The following TRAPPC9 variants were observed in gnomAD, a reference collection of about 807,000 sequenced individuals.
TRAPPC9 encodes trafficking protein particle complex subunit 9, also known as IKK2 binding protein.
In TRAPPC9, 83 loss-of-function variants were observed where a neutral mutation model predicts 124.0. That is an observed-to-expected ratio of 0.67 (90% confidence interval 0.56 to 0.80). TRAPPC9 has a LOEUF of 0.80. Ranked by LOEUF, TRAPPC9 falls within the 30% of genes least tolerant of loss-of-function variation. TRAPPC9 has a pLI of 0.00. For synonymous variants in TRAPPC9, 638 were observed against 617.5 expected (o/e 1.03, Z -0.49); for missense variants, 1,302 against 1,508.3 (o/e 0.86, Z 2.27).
At chr8:140,277,916 T>C (rs2065175781) in intron 14 of TRAPPC9, among the ~76,000 whole-genome samples, 2 of 152,166 alleles carry the variant, frequency 1.3e-5, no homozygotes, top group South Asian at 2.1e-4. Flanking sequence ...TTTAAGGAGA[T>C]GGCCCCTCAT....
In TRAPPC9 at chr8:139,862,835, T is replaced by G. The variant is rs550145510; in HGVS notation, c.3055+23044A>C. Among the ~76,000 whole-genome samples, 4 of 152,314 alleles carry G rather than the reference T, an allele frequency of 2.6e-5. No homozygotes were observed. In the East Asian group the frequency reaches 7.7e-4, roughly 29 times the overall value. On this transcript the variant is annotated intron_variant, in intron 21 of 22. Coordinates refer to ENST00000438773, the MANE Select transcript of TRAPPC9 (RefSeq NM_001160372.4). ...GCCCCACATGCACCAGGGCACTGCA[T>G]TCCCCCTGGGTGCCGTGTCCTTCCC...
At chr8:140,295,846 G>T (rs539870642) in intron 11 of TRAPPC9, among the ~76,000 whole-genome samples, 128 of 152,188 alleles carry the variant, frequency 8.4e-4, no homozygotes, top group Non-Finnish European at 1.0e-3. Flanking sequence ...CTGCCAAAAA[G>T]ATATTAGAAG....
chr8:140,073,531 G>A (rs2129861347), intron 17 of TRAPPC9, among the ~76,000 whole-genome samples: 1 of 152,330 alleles, frequency 6.6e-6, no homozygotes, highest in South Asian at 2.1e-4. Context: ...GACACCTCTA[G>A]TTAGCGTATG....
At chr8:140,344,190 T>C (rs2067271930) in intron 9 of TRAPPC9, among the ~76,000 whole-genome samples, 1 of 152,186 alleles carries the variant, frequency 6.6e-6, no homozygotes, top group South Asian at 2.1e-4. Context: ...AGCATGTCTC[T>C]GAGCCAGGAA....
intron 17 of TRAPPC9, among the ~76,000 whole-genome samples, chr8:140,186,303 G>A (rs2062353071): frequency 6.6e-6 from 1 of 152,116 alleles, no homozygotes; most frequent in African/African-American, 2.4e-5. Context: ...AAGTTATTAG[G>A]CTGGGCATGG....
chr8:140,040,424 T>TCACTCAGTCGCCC (rs1485677011), intron 17 of TRAPPC9: 4 of 152,334 alleles, frequency 2.6e-5, no homozygotes, highest in Non-Finnish European at 4.4e-5. Flanking sequence ...AGACGGAGTC[T>TCACTCAGTCGCCC]CACTCAGTCG....
chr8:140,036,944 C>G (rs1840935155), intron 17 of TRAPPC9, among the ~76,000 whole-genome samples: 1 of 151,750 alleles, frequency 6.6e-6, no homozygotes, highest in South Asian at 2.1e-4. Context: ...TTTGCTGCAC[C>G]CATTAACCTG....
At chr8:140,135,762 T>G (rs2061293746) in intron 17 of TRAPPC9, among the ~76,000 whole-genome samples, 1 of 152,210 alleles carries the variant, frequency 6.6e-6, no homozygotes, top group South Asian at 2.1e-4. Context: ...CTTGCACATG[T>G]GAAAATGGTT....
intron 21 of TRAPPC9, among the ~76,000 whole-genome samples, chr8:139,853,723 G>T (rs972456889): frequency 2.0e-5 from 3 of 152,174 alleles, no homozygotes; most frequent in Non-Finnish European, 2.9e-5. Context: ...GGGCAGGCTG[G>T]GGGCAGTGGA....
intron 16 of TRAPPC9, among the ~76,000 whole-genome samples, chr8:140,242,127 A>C (rs1001854123): frequency 7.4e-6 from 1 of 135,154 alleles, no homozygotes; most frequent in Non-Finnish European, 1.5e-5. Context: ...AGCAACACGA[A>C]GAGGCAGACA....
Position 139,925,941 on chromosome 8 carries a change from G to A in TRAPPC9, c.2811-15641C>T, listed in dbSNP as rs560039135. On this transcript the variant is annotated intron_variant, in intron 19 of 22. Transcript: ENST00000438773. Reference sequence around the variant, plus strand: ...TTGAGCCACACACGTGTCTCAGCCTGACTCCCCAAGAGGCACACGGGTGGG... The same window carrying A: ...TTGAGCCACACACGTGTCTCAGCCTAACTCCCCAAGAGGCACACGGGTGGG... Among the ~76,000 whole-genome samples the A allele has an allele frequency of 1.3e-3, 191 of 152,280 alleles. 1 individual carries two copies. Among genetic ancestry groups the A allele is most frequent in the South Asian group, 5.8e-3 (28 of 4,822 alleles).
chr8:140,450,646 TCAAA>T (rs761539262), intron 2 of TRAPPC9, 140 bp downstream of exon 2: 5 of 742,362 alleles, frequency 6.7e-6, no homozygotes, highest in East Asian at 2.7e-5. Flanking sequence ...TTAGCAGCAC[TCAAA>T]CAGATTCTGA....
intron 21 of TRAPPC9, among the ~76,000 whole-genome samples, chr8:139,736,193 A>C (rs1026950126): frequency 1.3e-5 from 2 of 152,220 alleles, no homozygotes; most frequent in Non-Finnish European, 2.9e-5. Context: ...GAAGGAGGGC[A>C]GTGCTCTGGA....
At chr8:140,341,423 C>T (rs1195019584) in intron 9 of TRAPPC9, among the ~76,000 whole-genome samples, 1 of 152,144 alleles carries the variant, frequency 6.6e-6, no homozygotes, top group Non-Finnish European at 1.5e-5. Context: ...TAGACTGTGA[C>T]CTGCAACAAC....
At chr8:140,445,066 CG>C (rs2071192767) in intron 2 of TRAPPC9, among the ~76,000 whole-genome samples, 1 of 152,130 alleles carries the variant, frequency 6.6e-6, no homozygotes, top group South Asian at 2.1e-4. Context: ...CCCTGAGCTC[CG>C]GACTCACATC....
chr8:140,088,960 C>T (rs947151423), intron 17 of TRAPPC9, among the ~76,000 whole-genome samples: 1 of 152,208 alleles, frequency 6.6e-6, no homozygotes, highest in Non-Finnish European at 1.5e-5. Flanking sequence ...GTTTCTCTAA[C>T]ATTAATAACG....
At chr8:139,920,815 TC>T (rs1345504061) in intron 19 of TRAPPC9, among the ~76,000 whole-genome samples, 1 of 152,214 alleles carries the variant, frequency 6.6e-6, no homozygotes, top group African/African-American at 2.4e-5. Context: ...GTTCCACACT[TC>T]CTTAAATGAA....
intron 9 of TRAPPC9, among the ~76,000 whole-genome samples, chr8:140,348,131 C>T (rs921970337): frequency 1.3e-5 from 2 of 152,220 alleles, no homozygotes; most frequent in Non-Finnish European, 2.9e-5. Context: ...GGCGCTGGGA[C>T]GCCAGGGGTC....
chr8:140,023,954 G>T lies in TRAPPC9; in HGVS notation c.2682C>A (p.Ser894Arg). ...ACATTTACCTGGTTGCTGGGAGGGT[G>T]CTGACTCGGGTGAAAAATACAGACG... ...VEPSVFFTRVSTLPATSTRQC... is the reference protein window; with the variant it reads ...VEPSVFFTRVRTLPATSTRQC... The change falls in exon 18 of 23, where the codon AGC (serine) becomes AGA (arginine). Residue 894 changes from serine to arginine, a missense_variant. Around this residue, in one of 3 missense-constraint regions of TRAPPC9, gnomAD observed 640 missense variants for 679.3 expected, o/e 0.94. Transcript: ENST00000438773. 1 of 1,614,072 alleles carries T rather than the reference G, an allele frequency of 6.2e-7. No homozygotes were observed. Among genetic ancestry groups the T allele is most frequent in the Non-Finnish European group, 8.5e-7 (1 of 1,179,960 alleles).
Sources: gnomAD v4.1 joint callset for allele counts (sites outside exome capture counted in the v4.1 genomes callset) on GRCh38, gnomAD v4.1.1 for gene constraint, gnomAD v4.1.1 regional missense constraint, MANE v1.5 for transcripts, NCBI Gene and HGNC (gene_info 2026-07-23, HGNC 2026-07-21) for gene names.